CDKAL1: variants seen among roughly 807,000 people sequenced by gnomAD.
The protein encoded by CDKAL1 is CDKAL1 threonylcarbamoyladenosine tRNA methylthiotransferase, also known as threonylcarbamoyladenosine tRNA methylthiotransferase.
CDKAL1 carries 32 observed loss-of-function variants against 68.2 expected under a neutral mutation model. The ratio of observed to expected loss-of-function variants is 0.47; its 90% CI spans 0.35 to 0.63. The LOEUF is 0.63. Ranked by LOEUF, CDKAL1 falls within the 30% of genes least tolerant of loss-of-function variation. CDKAL1 has a pLI of 0.00. For synonymous variants in CDKAL1, 234 were observed against 244.3 expected, an observed-to-expected ratio of 0.96 and a Z score of 0.39; for missense variants, 606 against 696.7, an observed-to-expected ratio of 0.87 and a Z score of 1.47.
At chr6:21,228,990 C>T (rs1328619741) in intron 15 of CDKAL1, among the ~76,000 whole-genome samples, 4 of 152,164 alleles carry the variant, frequency 2.6e-5, no homozygotes, top group Non-Finnish European at 5.9e-5. Flanking sequence ...AAGGATGGTC[C>T]CATTCTGTCC....
intron 9 of CDKAL1, among the ~76,000 whole-genome samples, chr6:20,910,241 T>A (rs1762406330): frequency 6.6e-6 from 1 of 152,172 alleles, no homozygotes; most frequent in African/African-American, 2.4e-5. Flanking sequence ...GGATGGAGCC[T>A]GGGAATTTGT....
chr6:21,114,354 A>G (rs888640261), intron 13 of CDKAL1, among the ~76,000 whole-genome samples: 1 of 152,072 alleles, frequency 6.6e-6, no homozygotes, highest in Non-Finnish European at 1.5e-5. Context: ...GGAAAGTAGA[A>G]TCATTATCAC....
chr6:21,163,030 C>G (rs1340922988), intron 13 of CDKAL1, among the ~76,000 whole-genome samples: 1 of 152,194 alleles, frequency 6.6e-6, no homozygotes, highest in Non-Finnish European at 1.5e-5. Context: ...ACTAATGCCA[C>G]AGCTGAACCC....
chr6:20,581,383 G>A (rs34134803), intron 4 of CDKAL1, among the ~76,000 whole-genome samples: 10,445 of 152,106 alleles, frequency 0.069, 519 homozygotes, highest in African/African-American at 0.13. Flanking sequence ...ATGCTGTAGG[G>A]GCTCCAGAAA....
chr6:20,624,583 C>T (rs978905591), intron 4 of CDKAL1, among the ~76,000 whole-genome samples: 1 of 151,868 alleles, frequency 6.6e-6, no homozygotes, highest in African/African-American at 2.4e-5. Context: ...CCATGAGCCC[C>T]ACAAACTCAT....
intron 13 of CDKAL1, among the ~76,000 whole-genome samples, chr6:21,132,484 T>C (rs1217026911): frequency 6.6e-6 from 1 of 150,940 alleles, no homozygotes; most frequent in Non-Finnish European, 1.5e-5. Context: ...TCAGCCATTA[T>C]ACATAAGGTC....
At chr6:20,925,553 A>T (rs1234546191) in intron 9 of CDKAL1, among the ~76,000 whole-genome samples, 1 of 152,108 alleles carries the variant, frequency 6.6e-6, no homozygotes, top group African/African-American at 2.4e-5. Flanking sequence ...CTTATTTTAC[A>T]TTTTTACTTC....
intron 8 of CDKAL1, among the ~76,000 whole-genome samples, chr6:20,805,204 C>G (rs1007282462): frequency 2.0e-5 from 3 of 152,144 alleles, no homozygotes; most frequent in African/African-American, 7.2e-5. Flanking sequence ...CAGATTTTAC[C>G]TGATGTGTCT....
chr6:20,876,343 C>T (rs969140601), intron 9 of CDKAL1, among the ~76,000 whole-genome samples: 13 of 152,272 alleles, frequency 8.5e-5, no homozygotes, highest in African/African-American at 2.6e-4. Flanking sequence ...AGTACAAATG[C>T]GGAGGATAGA....
intron 5 of CDKAL1, among the ~76,000 whole-genome samples, chr6:20,667,279 T>C (rs1375512857): frequency 6.6e-6 from 1 of 152,216 alleles, no homozygotes; most frequent in African/African-American, 2.4e-5. Context: ...CAAAGATTAA[T>C]GACACAGTCA....
rs542966176 is a variant in CDKAL1 at position 20,736,857 on chromosome 6, C to A, written c.372-2662C>A. Among the ~76,000 whole-genome samples, 3 of 152,122 alleles carry A rather than the reference C, an allele frequency of 2.0e-5. No homozygotes were observed. In the East Asian group the frequency reaches 5.8e-4, roughly 29 times the overall value. On this transcript the variant is annotated intron_variant, in intron 5 of 15. Coordinates refer to ENST00000274695, the MANE Select transcript of CDKAL1 (RefSeq NM_017774.3). Reference sequence around the variant, plus strand: ...TTAAATTAATTTCCTCACCTCCTGGCTTCTTTTCCCCTTCTATTTAGGGCA... The same window carrying A: ...TTAAATTAATTTCCTCACCTCCTGGATTCTTTTCCCCTTCTATTTAGGGCA...
At chr6:21,104,155 G>A (rs1340524592) in intron 12 of CDKAL1, among the ~76,000 whole-genome samples, 1 of 152,168 alleles carries the variant, frequency 6.6e-6, no homozygotes, top group Non-Finnish European at 1.5e-5. Context: ...GGCTCTGAAA[G>A]CCCCATATCT....
intron 4 of CDKAL1, among the ~76,000 whole-genome samples, chr6:20,586,364 A>C (rs1765355148): frequency 6.6e-6 from 1 of 152,188 alleles, no homozygotes. Flanking sequence ...GGCCAGGCAC[A>C]GGGTGGCTCA....
At chr6:20,660,004 T>C (rs1267315888) in intron 5 of CDKAL1, among the ~76,000 whole-genome samples, 1 of 152,146 alleles carries the variant, frequency 6.6e-6, no homozygotes, top group Non-Finnish European at 1.5e-5. Flanking sequence ...TTCCTTGGAC[T>C]GTCTTCTCTC....
chr6:20,900,937 G>T (rs1347163041), intron 9 of CDKAL1, among the ~76,000 whole-genome samples: 1 of 152,214 alleles, frequency 6.6e-6, no homozygotes, highest in Non-Finnish European at 1.5e-5. Flanking sequence ...TGCATAATTT[G>T]TAATAGTTTC....
chr6:20,862,755 A>G (rs1237673559), intron 9 of CDKAL1, among the ~76,000 whole-genome samples: 1 of 152,148 alleles, frequency 6.6e-6, no homozygotes, highest in Non-Finnish European at 1.5e-5. Context: ...GGCCAGGCAA[A>G]GTGGCTCATG....
At chr6:20,946,753 C>T (rs112002558) in intron 9 of CDKAL1, among the ~76,000 whole-genome samples, 5,146 of 152,072 alleles carry the variant, frequency 0.034, 293 homozygotes, top group African/African-American at 0.12. Flanking sequence ...TGCGCCACCA[C>T]GCCCAGCTAA....
chr6:20,619,076 A>G lies in CDKAL1; in HGVS notation c.287-30217A>G, dbSNP rs760380516. Among the ~76,000 whole-genome samples, 13 of 152,306 alleles carry G rather than the reference A, an allele frequency of 8.5e-5. No homozygotes were observed. In the South Asian group the frequency reaches 1.7e-3, roughly 19 times the overall value. ...ATTTCAGTTTAGATTATATTTGTCA[A>G]TTGGATTCCATGGATATTATCTTTC... is the stretch of plus-strand genomic sequence containing the variant. On this transcript the variant is annotated intron_variant, in intron 4 of 15. Transcript: ENST00000274695.
chr6:20,778,180 G>A (rs1775256869), intron 7 of CDKAL1, among the ~76,000 whole-genome samples: 1 of 152,028 alleles, frequency 6.6e-6, no homozygotes, highest in Non-Finnish European at 1.5e-5. Flanking sequence ...TAAAACATGT[G>A]GAAGAAAACA....
Sources: allele counts gnomAD v4.1 joint callset (sites outside exome capture counted in the v4.1 genomes callset), GRCh38; gene constraint gnomAD v4.1.1; transcripts MANE v1.5; gene names NCBI Gene and HGNC (gene_info 2026-07-23, HGNC 2026-07-21).